The following SAP130 variants were observed in gnomAD, a reference collection of about 807,000 sequenced individuals.
SAP130 encodes the protein Sin3A associated protein 130, also known as histone deacetylase complex subunit SAP130.
Under a neutral mutation model 103.2 loss-of-function variants are expected in SAP130, and 16 were observed. The ratio of observed to expected loss-of-function variants is 0.16; its 90% CI spans 0.10 to 0.24. SAP130 has a LOEUF of 0.24. SAP130 is among the 10% of genes least tolerant of loss of function. SAP130 has a pLI of 1.00. For missense variants in SAP130, 990 were observed against 1,359.7 expected (o/e 0.73, Z 4.28); for synonymous variants, 477 against 497.0 (o/e 0.96, Z 0.53).
At chr2:127,980,712 A>T (rs1272528221) in intron 14 of SAP130, among the ~76,000 whole-genome samples, 1 of 152,124 alleles carries the variant, frequency 6.6e-6, no homozygotes, top group Non-Finnish European at 1.5e-5. Flanking sequence ...GGGAGGCTGA[A>T]CCAGGTGGAA....
At chr2:128,001,932 CTT>C (rs111838724) in intron 7 of SAP130, among the ~76,000 whole-genome samples, 4 of 145,360 alleles carry the variant, frequency 2.8e-5, no homozygotes, top group African/African-American at 5.0e-5. Flanking sequence ...GTGAAAAAAA[CTT>C]TTTTTTTTTT....
chr2:127,996,687 C>T lies in SAP130; in HGVS notation c.1214-196G>A, dbSNP rs1352073541. 1.3e-5 allele frequency among the ~76,000 whole-genome samples: 2 copies of T among 152,196 alleles called. No individual in the cohort carries two copies. Among genetic ancestry groups the T allele is most frequent in the Non-Finnish European group, 2.9e-5 (2 of 68,038 alleles). ...CCTATCATTCACTGATATACTCCTA[C>T]TGTTATTAAAGCAGGGTTCAACATT... On this transcript the variant is annotated intron_variant, in intron 10 of 20. Coordinates refer to ENST00000643581, the MANE Select transcript of SAP130 (RefSeq NM_001330301.2). The surrounding 1 kb of genome is among the most constrained non-coding windows in gnomAD (Gnocchi z 4.3).
rs1216139108 is a variant in SAP130, at chr2:128,019,660, G to A, written c.113-1745C>T. On this transcript the variant is annotated intron_variant, in intron 2 of 20. Transcript: ENST00000643581. ...CAGCACTTTGGGAGGCCAAGGTGGGGAGATCACTTGAGGTCAGGAGTTCGA... is the reference window on the plus strand; with the variant it reads ...CAGCACTTTGGGAGGCCAAGGTGGGAAGATCACTTGAGGTCAGGAGTTCGA... Among the ~76,000 whole-genome samples, 4 of 152,090 alleles carry A rather than the reference G, an allele frequency of 2.6e-5. No individual in the cohort carries two copies. In the South Asian group the frequency reaches 6.2e-4, roughly 24 times the overall value.
intron 1 of SAP130, chr2:128,027,448 G>C: frequency 1.8e-6 from 2 of 1,106,828 alleles, no homozygotes; most frequent in African/African-American, 1.6e-5. Flanking sequence ...AGCCTGGCCG[G>C]GGCAGCCCAA....
At chr2:127,946,739 C>T (rs1311363507) in intron 18 of SAP130, among the ~76,000 whole-genome samples, 1 of 150,948 alleles carries the variant, frequency 6.6e-6, no homozygotes, top group South Asian at 2.1e-4. Flanking sequence ...AAAAAATTAG[C>T]GGGGTGTGGT....
Position 127,941,670 on chromosome 2 carries a change from T to C in SAP130, c.*336A>G, listed in dbSNP as rs569263808. On this transcript the variant is annotated 3_prime_UTR_variant, in exon 21 of 21. Coordinates refer to ENST00000643581, the MANE Select transcript of SAP130 (RefSeq NM_001330301.2). Reference sequence around the variant, plus strand: ...CAGTATGGGGCCTGCAGGAATCCACTAGATAAATACAGTCTATAAACCGGA... The same window carrying C: ...CAGTATGGGGCCTGCAGGAATCCACCAGATAAATACAGTCTATAAACCGGA... The C allele has an allele frequency of 3.0e-4, 82 of 276,712 alleles. No homozygotes were observed. The highest frequency in any genetic ancestry group is 1.7e-3 in the African/African-American group (74 of 43,618). The allele number at this position is 276,712 out of a possible 1,614,324, so 17.1% of individuals were successfully genotyped here.
At position 127,942,395 on chromosome 2, in the gene SAP130, T is replaced by C. The variant is rs1238753326; in HGVS notation, c.3015+29A>G. On this transcript the variant is annotated intron_variant, in intron 20 of 20. Coordinates refer to ENST00000643581, the MANE Select transcript of SAP130 (RefSeq NM_001330301.2). This position sits in a 1 kb window ranked among gnomAD's most constrained non-coding sequence, Gnocchi z 4.8. The stretch of plus-strand genomic sequence containing the variant: ...ACAGAAAGCAACTTCATAAAGTAGA[T>C]GATCAGAAGGGAAGGGGCGCACTCA... 8.9e-6 allele frequency: 13 copies of C among 1,463,428 alleles called. No homozygotes were observed. The East Asian group carries it at 2.9e-4, about 33-fold the overall frequency. 90.7% of individuals were successfully genotyped at this position (1,463,428 alleles called of 1,614,324 possible). A position where few individuals can be genotyped will look rare whatever the true frequency, so the allele number is the denominator to read the frequency against.
In SAP130 at chr2:127,978,014, C is replaced by T; in HGVS notation, c.2034G>A (p.Arg678=). The T allele has an allele frequency of 6.4e-7, 1 of 1,552,054 alleles. No homozygotes were observed. Among genetic ancestry groups the T allele is most frequent in the Non-Finnish European group, 8.7e-7 (1 of 1,147,050 alleles). The stretch of plus-strand genomic sequence containing the variant: ...CAGGCCTAGGTGACCCAGACGTACT[C>T]CGCATAGAGCTTTCCACTCGAGGAC... ...VASPRVESSM[R]STSGSPRPAG... The change falls in exon 15 of 21, where the codon CGG becomes CGA. Residue 678 remains arginine, a synonymous_variant. Coordinates refer to ENST00000643581, the MANE Select transcript of SAP130 (RefSeq NM_001330301.2).
At position 127,959,904 on chromosome 2, in the gene SAP130, C is replaced by T. The variant is rs553204719; in HGVS notation, c.2064-4560G>A. On this transcript the variant is annotated intron_variant, in intron 15 of 20. Coordinates refer to ENST00000643581, the MANE Select transcript of SAP130 (RefSeq NM_001330301.2). ...AAAAAATGTAATAACTGAAATAAGA[C>T]GGTCTTGCTGTGTTGGTGAGGCTGG... is the stretch of plus-strand genomic sequence containing the variant. Among the ~76,000 whole-genome samples, 13 of 152,126 alleles carry T rather than the reference C, an allele frequency of 8.5e-5. No individual in the cohort carries two copies. In the South Asian group the frequency reaches 1.9e-3, roughly 22 times the overall value.
Position 127,996,409 on chromosome 2 carries a change from G to A in SAP130, c.1296C>T (p.Pro432=). 1 of 1,610,786 alleles carries A rather than the reference G, an allele frequency of 6.2e-7. No homozygotes were observed. Among genetic ancestry groups the A allele is most frequent in the Non-Finnish European group, 8.5e-7 (1 of 1,178,546 alleles). ...DYPAERSSLI[P]ISGHRASPNP... is the part of the protein sequence containing the mutation. ...TGGGAGAGGCCCGATGTCCGGAGAT[G>A]GGAATCAGGCTACTCCTCTCGGCAG... The change falls in exon 11 of 21, where the codon CCC becomes CCT. Residue 432 remains proline, a synonymous_variant. Coordinates refer to ENST00000643581, the MANE Select transcript of SAP130 (RefSeq NM_001330301.2). The surrounding 1 kb of genome is among the most constrained non-coding windows in gnomAD (Gnocchi z 4.3).
intron 15 of SAP130, among the ~76,000 whole-genome samples, chr2:127,975,053 C>T (rs1007411738): frequency 7.9e-5 from 12 of 152,124 alleles, no homozygotes; most frequent in African/African-American, 2.9e-4. Flanking sequence ...GAACGTATCC[C>T]CATTGTTATG....
intron 2 of SAP130, among the ~76,000 whole-genome samples, chr2:128,018,475 A>G (rs1047063240): frequency 9.2e-6 from 1 of 108,812 alleles, no homozygotes; most frequent in African/African-American, 3.9e-5. Flanking sequence ...AGAGAGGAAG[A>G]TTGTCTCCAA....
chr2:128,016,321 T>A, intron 4 of SAP130, 68 bp downstream of exon 4: 1 of 1,495,776 alleles, frequency 6.7e-7, no homozygotes, highest in Non-Finnish European at 9.2e-7. Context: ...ACTGCTAGCA[T>A]TCAATAAATC....
rs576285018 is a variant in SAP130, at chr2:128,008,133, T to C, written c.869+2136A>G. Among the ~76,000 whole-genome samples, 6 of 152,294 alleles carry C rather than the reference T, an allele frequency of 3.9e-5. No homozygotes were observed. The South Asian group carries it at 1.0e-3, about 26-fold the overall frequency. On this transcript the variant is annotated intron_variant, in intron 7 of 20. Transcript: ENST00000643581. ...ACAATTCCTCTCTCCACACCTACTA[T>C]CCTTGCTTTGATTCAGTGAATCTCT... is the stretch of plus-strand genomic sequence containing the variant.
chr2:127,982,336 T>C (rs1376191328), intron 14 of SAP130, among the ~76,000 whole-genome samples: 1 of 152,252 alleles, frequency 6.6e-6, no homozygotes, highest in Non-Finnish European at 1.5e-5. Context: ...TAGAGCATCA[T>C]TCTTGAATAG....
At chr2:127,968,763 A>G (rs2917656) in intron 15 of SAP130, among the ~76,000 whole-genome samples, 125,411 of 152,010 alleles carry the variant, frequency 0.83, 52,279 homozygotes, top group Middle Eastern at 0.88. Flanking sequence ...TAATCCACCC[A>G]CCTCAGCCTC....
Position 128,010,276 on chromosome 2 carries a change from C to A in SAP130, c.862G>T (p.Ala288Ser). 1 of 1,613,424 alleles carries A rather than the reference C, an allele frequency of 6.2e-7. No individual in the cohort carries two copies. Among genetic ancestry groups the A allele is most frequent in the Non-Finnish European group, 8.5e-7 (1 of 1,179,828 alleles). Reference protein sequence around the residue: ...TTTAAHATDSALSRPTLSIQH... With the variant: ...TTTAAHATDSSLSRPTLSIQH... ...CATACTCCCCATGTATACCTAAGTG[C>A]TGAATCAGTAGCATGCGCCGCTGTC... The change falls in exon 7 of 21, where the codon GCA (alanine) becomes TCA (serine). Residue 288 changes from alanine to serine, a missense_variant. Physicochemically the swap from Ala to Ser is moderately conservative, Grantham distance 99. Transcript: ENST00000643581.
In SAP130 at chr2:127,950,040, T is replaced by C. The variant is rs1467120985; in HGVS notation, c.2672-46A>G. 5 of 1,610,582 alleles carry C rather than the reference T, an allele frequency of 3.1e-6. No homozygotes were observed. In the South Asian group the frequency reaches 3.3e-5, roughly 11 times the overall value. ...AACAACTTAGTAACACTGTCAACAA[T>C]CCTCAAAGTTCATTTCCAGTAAGTG... On this transcript the variant is annotated intron_variant, in intron 17 of 20. Coordinates refer to ENST00000643581, the MANE Select transcript of SAP130 (RefSeq NM_001330301.2).
chr2:128,004,743 T>C (rs1178434743), intron 7 of SAP130, among the ~76,000 whole-genome samples: 1 of 152,134 alleles, frequency 6.6e-6, no homozygotes, highest in Admixed American at 6.5e-5. Flanking sequence ...TGGGGAATAG[T>C]GTGCGGGGGA....
Sources: allele counts gnomAD v4.1 joint callset (sites outside exome capture counted in the v4.1 genomes callset), GRCh38; gene constraint gnomAD v4.1.1; non-coding constraint Gnocchi (gnomAD v3.1); transcripts MANE v1.5; gene names NCBI Gene and HGNC (gene_info 2026-07-23, HGNC 2026-07-21).